The following FOXI1 variants were observed in gnomAD, a reference collection of about 807,000 sequenced individuals.
FOXI1 encodes forkhead box protein I1.
In FOXI1, 11 loss-of-function variants were observed where a neutral mutation model predicts 16.4. The observed-to-expected ratio is 0.67, with a 90% CI of 0.42 to 1.11. The LOEUF (loss-of-function observed/expected upper bound fraction) is 1.11. Ranked by LOEUF, FOXI1 falls within the 50% of genes least tolerant of loss-of-function variation. The pLI is 0.00. For missense variants in FOXI1, 480 were observed against 506.1 expected (o/e 0.95, Z 0.49); for synonymous variants, 218 against 211.5 (o/e 1.03, Z -0.27).
At chr5:170,106,568 A>C in intron 1 of FOXI1, 37 bp downstream of exon 1, 2 of 1,612,790 alleles carry the variant, frequency 1.2e-6, no homozygotes, top group South Asian at 1.1e-5. Context: ...GTCCCCAAGG[A>C]AGACTCACTT....
rs527571669 is a variant in FOXI1, at chr5:170,107,998, G to A, written c.575-51G>A. The A allele has an allele frequency of 7.7e-6, 11 of 1,425,884 alleles. No homozygotes were observed. In the East Asian group the frequency reaches 2.0e-4, roughly 27 times the overall value. The allele number at this position is 1,425,884 out of a possible 1,614,324, so 88.3% of individuals were successfully genotyped here. A position where few individuals can be genotyped will look rare whatever the true frequency, so the allele number is the denominator to read the frequency against. ...TTTATGACAATAAGGAGGAACAGAA[G>A]CAAAGCATTTTGTCCACCTCTCTAT... On this transcript the variant is annotated intron_variant, in intron 1 of 1. Transcript: ENST00000306268.
Position 170,108,825 on chromosome 5 carries a change from T to C in FOXI1, c.*214T>C. The C allele has an allele frequency of 1.7e-6, 1 of 601,208 alleles. No homozygotes were observed. Among genetic ancestry groups the C allele is most frequent in the Non-Finnish European group, 3.0e-6 (1 of 337,070 alleles). 37.2% of individuals were successfully genotyped at this position (601,208 alleles called of 1,614,324 possible). A position where few individuals can be genotyped will look rare whatever the true frequency, so the allele number is the denominator to read the frequency against. ...CTCACCAACTTTGCAATAGAAATAC[T>C]GGTGCCTGCAGAGCAGCACTAACAG... On this transcript the variant is annotated 3_prime_UTR_variant, in exon 2 of 2. Coordinates refer to ENST00000306268, the MANE Select transcript of FOXI1 (RefSeq NM_012188.5).
In FOXI1 at chr5:170,108,626, C is replaced by T. The variant is rs781111639; in HGVS notation, c.*15C>T. On this transcript the variant is annotated 3_prime_UTR_variant, in exon 2 of 2. Transcript: ENST00000306268. ...CCGAGGTCTAGGTACAGAACAGCTC[C>T]TGAGCCAGGTGGACATGCCAGAGAG... The T allele has an allele frequency of 1.3e-6, 2 of 1,598,062 alleles. No individual in the cohort carries two copies. Among genetic ancestry groups the T allele is most frequent in the South Asian group, 2.2e-5 (2 of 90,776 alleles).
chr5:170,105,975 G>A lies in FOXI1; in HGVS notation c.18G>A (p.Leu6=), dbSNP rs1758464341. 6.2e-7 allele frequency: 1 copy of A among 1,610,494 alleles called. No individual in the cohort carries two copies. Among genetic ancestry groups the A allele is most frequent in the African/African-American group, 1.3e-5 (1 of 74,824 alleles). ...GCCCCAGCATGAGCTCCTTCGACCT[G>A]CCGGCGCCCTCCCCACCTCGCTGCA... MSSFD[L]PAPSPPRCSP... The change falls in exon 1 of 2, where the codon CTG becomes CTA. Residue 6 remains leucine, a synonymous_variant. Coordinates refer to ENST00000306268, the MANE Select transcript of FOXI1 (RefSeq NM_012188.5).
Position 170,106,353 on chromosome 5 carries a change from C to A in FOXI1, c.396C>A (p.Ile132=), listed in dbSNP as rs962863313. 3 of 1,611,488 alleles carry A rather than the reference C, an allele frequency of 1.9e-6. No homozygotes were observed. The highest frequency in any genetic ancestry group is 2.5e-6 in the Non-Finnish European group (3 of 1,178,666). ...VRPPYSYSAL[I]AMAIHGAPDK... ...CACCCTATTCCTACTCGGCTCTCAT[C>A]GCCATGGCCATCCACGGGGCACCCG... The change falls in exon 1 of 2, where the codon ATC becomes ATA. Residue 132 remains isoleucine (I), a synonymous_variant. Transcript: ENST00000306268.
Position 170,108,934 on chromosome 5 carries a change from C to T in FOXI1, c.*323C>T, listed in dbSNP as rs1422653231. On this transcript the variant is annotated 3_prime_UTR_variant, in exon 2 of 2. Coordinates refer to ENST00000306268, the MANE Select transcript of FOXI1 (RefSeq NM_012188.5). ...AAGGTTCACAAACCACCCCATTGAA[C>T]AGATGAGGAACTGAGGCTCAAGGAG... The T allele has an allele frequency of 6.0e-6, 2 of 333,656 alleles. No individual in the cohort carries two copies. Among genetic ancestry groups the T allele is most frequent in the African/African-American group, 2.1e-5 (1 of 47,618 alleles). 20.7% of individuals were successfully genotyped at this position (333,656 alleles called of 1,614,324 possible).
chr5:170,106,940 G>A (rs1758509527), intron 1 of FOXI1: 1 of 977,836 alleles, frequency 1.0e-6, no homozygotes, highest in Non-Finnish European at 1.2e-6. Context: ...GAAAGTCTTT[G>A]GTGAATGAAT....
chr5:170,108,529 T>C lies in FOXI1; in HGVS notation c.1055T>C (p.Val352Ala). The C allele has an allele frequency of 6.2e-7, 1 of 1,612,334 alleles. No individual in the cohort carries two copies. Among genetic ancestry groups the C allele is most frequent in the Non-Finnish European group, 8.5e-7 (1 of 1,179,090 alleles). ...PTNMLSYGGSVLSQFSPHFYN... is the reference protein window; with the variant it reads ...PTNMLSYGGSALSQFSPHFYN... ...AACATGCTCAGCTATGGAGGATCTG[T>C]GCTCAGCCAATTCAGCCCTCACTTC... Residue 352 changes from valine to alanine, a missense_variant, in exon 2 of 2, where the codon GTG becomes GCG. Physicochemically the swap from Val to Ala is moderately conservative, Grantham distance 64 (BLOSUM62 0). This residue lies in a region of FOXI1 where 257 missense variants were observed against 262.2 expected (regional missense o/e 0.98). Transcript: ENST00000306268.
rs1370651300 is a variant in FOXI1 at position 170,106,062 on chromosome 5, C to A, written c.105C>A (p.Phe35Leu). The A allele has an allele frequency of 6.2e-7, 1 of 1,613,424 alleles. No individual in the cohort carries two copies. Among genetic ancestry groups the A allele is most frequent in the East Asian group, 2.2e-5 (1 of 44,862 alleles). The change falls in exon 1 of 2, where the codon TTC (phenylalanine) becomes TTA (leucine). Residue 35 changes from phenylalanine (F) to leucine (L), a missense_variant. Physicochemically the swap from Phe to Leu is conservative, Grantham distance 22 (BLOSUM62 0). This residue lies in a region of FOXI1 where 219 missense variants were observed against 222.9 expected (regional missense o/e 0.98). Coordinates refer to ENST00000306268, the MANE Select transcript of FOXI1 (RefSeq NM_012188.5). ...PPEMNLYYENFFHPQGVPSPQ... is the reference protein window; with the variant it reads ...PPEMNLYYENLFHPQGVPSPQ... ...AGATGAACCTCTACTATGAGAACTT[C>A]TTCCACCCACAGGGCGTGCCCAGCC...
At position 170,106,393 on chromosome 5, in the gene FOXI1, C is replaced by G. The variant is rs1365343626; in HGVS notation, c.436C>G (p.Leu146Val). Residue 146 changes from leucine (L) to valine (V), a missense_variant, in exon 1 of 2, where the codon CTC becomes GTC. Transcript: ENST00000306268. ...IHGAPDKRLT[L>V]SQIYQYVADN... The stretch of plus-strand genomic sequence containing the variant: ...CGGGGCACCCGACAAGCGCCTCACT[C>G]TCAGCCAGATCTACCAGTACGTGGC... 1 of 1,614,036 alleles carries G rather than the reference C, an allele frequency of 6.2e-7. No individual in the cohort carries two copies.
Position 170,108,676 on chromosome 5 carries a change from C to T in FOXI1, c.*65C>T. 2.3e-6 allele frequency: 3 copies of T among 1,290,242 alleles called. No individual in the cohort carries two copies. The highest frequency in any genetic ancestry group is 1.2e-5 in the South Asian group (1 of 84,306). 79.9% of individuals were successfully genotyped at this position (1,290,242 alleles called of 1,614,324 possible). A position where few individuals can be genotyped will look rare whatever the true frequency, so the allele number is the denominator to read the frequency against. On this transcript the variant is annotated 3_prime_UTR_variant, in exon 2 of 2. Transcript: ENST00000306268. ...GAAAAGCAGTAGAGGTCCTCCATGC[C>T]AGCCCCACGGTGGTCCATGACTGCG...
chr5:170,107,255 A>G (rs4315935), intron 1 of FOXI1, among the ~76,000 whole-genome samples: 97,459 of 152,146 alleles, frequency 0.64, 31,982 homozygotes, highest in East Asian at 0.82. Flanking sequence ...AAACTCAGAG[A>G]CCTGCAGAGA....
In FOXI1 at chr5:170,106,191, C is replaced by T. The variant is rs1356467120; in HGVS notation, c.234C>T (p.Gly78=). ...PTMTPPPYLP[G]PNASPFLPQA... ...TGACCCCGCCACCCTACCTGCCCGG[C>T]CCCAACGCCAGCCCCTTCCTGCCCC... Residue 78 remains glycine (G), a synonymous_variant, in exon 1 of 2, where the codon GGC becomes GGT. Coordinates refer to ENST00000306268, the MANE Select transcript of FOXI1 (RefSeq NM_012188.5). 50 of 1,586,886 alleles carry T rather than the reference C, an allele frequency of 3.2e-5. No homozygotes were observed. Among genetic ancestry groups the T allele is most frequent in the Middle Eastern group, 1.7e-4 (1 of 6,000 alleles).
rs1758494116 is a variant in FOXI1 at position 170,106,524 on chromosome 5, C to T, written c.567C>T (p.Asp189=). 1.1e-5 allele frequency: 18 copies of T among 1,614,122 alleles called. No homozygotes were observed. In the South Asian group the frequency reaches 1.4e-4, roughly 13 times the overall value. ...TCAAGAAGGTGCCCCGCGACGAGGACGACCCGGGTAAGGAGGCTTTGAGTG... is the reference window on the plus strand; with the variant it reads ...TCAAGAAGGTGCCCCGCGACGAGGATGACCCGGGTAAGGAGGCTTTGAGTG... ...DCFKKVPRDE[D]DPGKGNYWTL... The change falls in exon 1 of 2, where the codon GAC becomes GAT. Residue 189 remains aspartate, a synonymous_variant. Coordinates refer to ENST00000306268, the MANE Select transcript of FOXI1 (RefSeq NM_012188.5).
chr5:170,108,796 C>T lies in FOXI1; in HGVS notation c.*185C>T. ...TGTTTATCACACATAGGCCCACACA[C>T]AGACTCACCAACTTTGCAATAGAAA... On this transcript the variant is annotated 3_prime_UTR_variant, in exon 2 of 2. Transcript: ENST00000306268. The T allele has an allele frequency of 1.6e-6, 1 of 618,982 alleles. No homozygotes were observed. 38.3% of individuals were successfully genotyped at this position (618,982 alleles called of 1,614,324 possible).
chr5:170,108,347 G>T lies in FOXI1; in HGVS notation c.873G>T (p.Gly291=). The part of the protein sequence containing the change: ...FLSSMTAYVS[G]GSPTSHPLVT... ...CCTCTATGACAGCCTATGTGAGCGG[G>T]GGGAGCCCCACGAGCCACCCCTTGG... Residue 291 remains glycine (G), a synonymous_variant, in exon 2 of 2, where the codon GGG becomes GGT. Coordinates refer to ENST00000306268, the MANE Select transcript of FOXI1 (RefSeq NM_012188.5). 6.2e-7 allele frequency: 1 copy of T among 1,614,098 alleles called. No homozygotes were observed. Among genetic ancestry groups the T allele is most frequent in the South Asian group, 1.1e-5 (1 of 91,086 alleles).
Position 170,108,246 on chromosome 5 carries a change from G to A in FOXI1, c.772G>A (p.Gly258Arg), listed in dbSNP as rs759783281. ...PQDILDGASP[G>R]GTTSSPEKRP... ...GGACATCTTGGATGGAGCCTCACCA[G>A]GGGGCACCACCAGCTCCCCAGAGAA... is the stretch of plus-strand genomic sequence containing the variant. Residue 258 changes from glycine (G) to arginine (R), a missense_variant, in exon 2 of 2, where the codon GGG (glycine) becomes AGG (arginine). Physicochemically the swap from Gly to Arg is moderately radical, Grantham distance 125. This residue lies in a region of FOXI1 where 257 missense variants were observed against 262.2 expected (regional missense o/e 0.98). Coordinates refer to ENST00000306268, the MANE Select transcript of FOXI1 (RefSeq NM_012188.5). The A allele has an allele frequency of 1.9e-6, 3 of 1,613,912 alleles. No individual in the cohort carries two copies. The highest frequency in any genetic ancestry group is 2.7e-5 in the African/African-American group (2 of 74,912).
chr5:170,106,654 C>T, intron 1 of FOXI1, 123 bp downstream of exon 1: 1 of 1,419,098 alleles, frequency 7.0e-7, no homozygotes, highest in East Asian at 2.5e-5. Flanking sequence ...TGCTACCAGG[C>T]AGGACAGAGG....
rs1282727197 is a variant in FOXI1 at position 170,106,011 on chromosome 5, C to G, written c.54C>G (p.Phe18Leu). The G allele has an allele frequency of 6.2e-7, 1 of 1,612,220 alleles. No individual in the cohort carries two copies. Among genetic ancestry groups the G allele is most frequent in the South Asian group, 1.1e-5 (1 of 90,890 alleles). The change falls in exon 1 of 2, where the codon TTC becomes TTG. Residue 18 changes from phenylalanine to leucine, a missense_variant. Phe to Leu is a conservative substitution (Grantham distance 22). Transcript: ENST00000306268. The part of the protein sequence containing the change: ...APSPPRCSPQ[F>L]PSIGQEPPEM... The stretch of plus-strand genomic sequence containing the variant: ...CCCCACCTCGCTGCAGCCCCCAGTT[C>G]CCCAGCATCGGCCAGGAGCCCCCCG...
Sources: gnomAD v4.1 joint callset for allele counts (sites outside exome capture counted in the v4.1 genomes callset) on GRCh38, gnomAD v4.1.1 for gene constraint, gnomAD v4.1.1 regional missense constraint, MANE v1.5 for transcripts, NCBI Gene and HGNC (gene_info 2026-07-23, HGNC 2026-07-21) for gene names.